Variants in GARRE1 observed in about 807,000 individuals in gnomAD.
GARRE1 encodes the protein granule associated Rac and RHOG effector 1.
In GARRE1, 49 loss-of-function variants were observed where a neutral mutation model predicts 103.2. The ratio of observed to expected loss-of-function variants is 0.47; its 90% CI spans 0.38 to 0.60. GARRE1 has a LOEUF of 0.60. GARRE1 is among the 20% of genes least tolerant of loss of function. The pLI is 0.00. For synonymous variants in GARRE1, 505 were observed against 532.8 expected (o/e 0.95, Z 0.72); for missense variants, 1,199 against 1,370.5 (o/e 0.87, Z 1.98).
intron 11 of GARRE1, 127 bp from the exon 12 acceptor site, chr19:34,348,889 A>C: frequency 9.5e-7 from 1 of 1,049,018 alleles, no homozygotes. Context: ...CGTTTTAAGA[A>C]GGGAGAGACA....
intron 12 of GARRE1, among the ~76,000 whole-genome samples, chr19:34,351,210 AAAAT>A (rs1568314319): frequency 8.2e-5 from 4 of 49,004 alleles, no homozygotes; most frequent in Non-Finnish European, 6.8e-5. Flanking sequence ...AAAAAAAAAA[AAAAT>A]AAAATAATAA....
At chr19:34,294,006 T>C (rs536062008) in intron 1 of GARRE1, among the ~76,000 whole-genome samples, 122 of 151,082 alleles carry the variant, frequency 8.1e-4, no homozygotes, top group African/African-American at 2.9e-3. Flanking sequence ...AGGTGATCCA[T>C]CTGCCTCAGC....
chr19:34,351,244 AAAG>A (rs1278524894), intron 12 of GARRE1, among the ~76,000 whole-genome samples: 3 of 151,608 alleles, frequency 2.0e-5, no homozygotes, highest in African/African-American at 7.3e-5. Context: ...TAATAAAGCC[AAAG>A]AAGGTGGACT....
At position 34,313,056 on chromosome 19, in the gene GARRE1, G is replaced by T. The variant is rs2074044284; in HGVS notation, c.496-6851G>T. Among the ~76,000 whole-genome samples, 3 of 152,362 alleles carry T rather than the reference G, an allele frequency of 2.0e-5. No individual in the cohort carries two copies. The South Asian group carries it at 6.2e-4, about 32-fold the overall frequency. On this transcript the variant is annotated intron_variant, in intron 2 of 13. Coordinates refer to ENST00000299505, the MANE Select transcript of GARRE1 (RefSeq NM_014686.5). ...TGGTAGTGCTATTTACTGAGATGGG[G>T]AGTAGTGGGGAAGAGTAAGTTCAGA...
Position 34,349,153 on chromosome 19 carries a change from G to A in GARRE1, c.2825G>A (p.Arg942Lys). Residue 942 changes from arginine (R) to lysine (K), a missense_variant and splice_region_variant, in exon 12 of 14, where the codon AGG becomes AAG. Transcript: ENST00000299505. ...PDLVAAVKQR[R>K]KHSSGEQDTS... ...CTCGTTGCTGCTGTCAAGCAGAGAA[G>A]GTATGAAGGGATTTCTAAACCAAGG... 6.2e-7 allele frequency: 1 copy of A among 1,611,882 alleles called. No individual in the cohort carries two copies. Among genetic ancestry groups the A allele is most frequent in the Non-Finnish European group, 8.5e-7 (1 of 1,179,978 alleles).
chr19:34,355,059 C>T lies in GARRE1; in HGVS notation c.*2104C>T, dbSNP rs1326313711. 6.6e-6 allele frequency: 1 copy of T among 152,602 alleles called. No homozygotes were observed. Among genetic ancestry groups the T allele is most frequent in the Non-Finnish European group, 1.5e-5 (1 of 68,048 alleles). 9.5% of individuals were successfully genotyped at this position (152,602 alleles called of 1,614,324 possible). On this transcript the variant is annotated 3_prime_UTR_variant, in exon 14 of 14. Coordinates refer to ENST00000299505, the MANE Select transcript of GARRE1 (RefSeq NM_014686.5). ...TTGTAAGATAGTTTTCTATTTCCTT[C>T]AGTAATGTGTCCACAGTACCCTGTA...
At chr19:34,307,814 A>T (rs1361476050) in intron 2 of GARRE1, among the ~76,000 whole-genome samples, 3 of 109,700 alleles carry the variant, frequency 2.7e-5, no homozygotes, top group Admixed American at 9.7e-5. Flanking sequence ...ATATATATAT[A>T]TTTTTTTTTT....
At chr19:34,338,547 T>C (rs2074171150) in intron 8 of GARRE1, among the ~76,000 whole-genome samples, 1 of 151,738 alleles carries the variant, frequency 6.6e-6, no homozygotes, top group Non-Finnish European at 1.5e-5. Flanking sequence ...CGAAAAAAGG[T>C]TGGGGGGCTC....
intron 1 of GARRE1, among the ~76,000 whole-genome samples, chr19:34,267,960 G>A (rs1249964075): frequency 6.6e-6 from 1 of 151,752 alleles, no homozygotes; most frequent in African/African-American, 2.4e-5. Context: ...TTTTAGTAGA[G>A]ACGGGGTTTC....
chr19:34,288,412 C>A (rs2073898921), intron 1 of GARRE1, among the ~76,000 whole-genome samples: 1 of 152,202 alleles, frequency 6.6e-6, no homozygotes, highest in Non-Finnish European at 1.5e-5. Flanking sequence ...CCTGGAGCAA[C>A]CTCTGGAGAA....
At chr19:34,293,296 C>T (rs2073927965) in intron 1 of GARRE1, among the ~76,000 whole-genome samples, 1 of 151,820 alleles carries the variant, frequency 6.6e-6, no homozygotes, top group South Asian at 2.1e-4. Context: ...GAAAATTTTT[C>T]ATTTCAAAAA....
chr19:34,272,506 G>A (rs1726155032), intron 1 of GARRE1, among the ~76,000 whole-genome samples: 2 of 152,138 alleles, frequency 1.3e-5, no homozygotes, highest in Admixed American at 1.3e-4. Context: ...GGCCATGAAA[G>A]GGTAAAACTT....
chr19:34,257,065 A>C (rs1462414719), intron 1 of GARRE1, among the ~76,000 whole-genome samples: 4 of 152,136 alleles, frequency 2.6e-5, no homozygotes, highest in Admixed American at 2.6e-4. Context: ...GGCATTGGAG[A>C]CCAAGATAGA....
At chr19:34,262,989 G>A (rs1213998738) in intron 1 of GARRE1, among the ~76,000 whole-genome samples, 2 of 151,996 alleles carry the variant, frequency 1.3e-5, no homozygotes, top group Non-Finnish European at 2.9e-5. Flanking sequence ...TGAGGCGGGC[G>A]GATCACCTGA....
At position 34,342,226 on chromosome 19, in the gene GARRE1, A is replaced by G. The variant is rs1471805494; in HGVS notation, c.2292A>G (p.Pro764=). 6.2e-7 allele frequency: 1 copy of G among 1,614,246 alleles called. No individual in the cohort carries two copies. ...GGGTACATGGCTCATCCCAGCAGCC[A>G]GCGCAGGCTGTTGGAGCAGGTCTGT... ...GKWVHGSSQQ[P]AQAVGAGLSP... Residue 764 remains proline (P), a synonymous_variant, in exon 10 of 14, where the codon CCA becomes CCG. Coordinates refer to ENST00000299505, the MANE Select transcript of GARRE1 (RefSeq NM_014686.5).
At chr19:34,316,398 G>T (rs1399062495) in intron 2 of GARRE1, among the ~76,000 whole-genome samples, 2 of 152,190 alleles carry the variant, frequency 1.3e-5, no homozygotes, top group Non-Finnish European at 2.9e-5. Context: ...ATGTGAAGGA[G>T]AAAATAGCTT....
At chr19:34,319,806 A>C in intron 2 of GARRE1, 101 bp from the exon 3 acceptor site, 1 of 970,626 alleles carries the variant, frequency 1.0e-6, no homozygotes, top group Non-Finnish European at 1.6e-6. Context: ...TTGGATTTCC[A>C]GTTAACTATT....
At chr19:34,261,313 G>A (rs1256391305) in intron 1 of GARRE1, among the ~76,000 whole-genome samples, 1 of 152,094 alleles carries the variant, frequency 6.6e-6, no homozygotes, top group African/African-American at 2.4e-5. Flanking sequence ...GGCTCTGAGC[G>A]TGCTACCCGG....
At chr19:34,269,646 A>G (rs10404575) in intron 1 of GARRE1, among the ~76,000 whole-genome samples, 4,723 of 152,180 alleles carry the variant, frequency 0.031, 242 homozygotes, top group African/African-American at 0.11. Context: ...CACTGCAACC[A>G]TGAACACCTG....
Sources: allele counts gnomAD v4.1 joint callset (sites outside exome capture counted in the v4.1 genomes callset), GRCh38; gene constraint gnomAD v4.1.1; transcripts MANE v1.5; gene names NCBI Gene and HGNC (gene_info 2026-07-23, HGNC 2026-07-21).